The following RHBDL3 variants were observed in gnomAD, a reference collection of about 807,000 sequenced individuals.
The protein encoded by RHBDL3 is rhomboid like 3, also known as rhomboid-related protein 3.
A neutral mutation model predicts 48.2 loss-of-function variants in RHBDL3; 28 were observed. The observed-to-expected ratio is 0.58, with a 90% confidence interval of 0.43 to 0.80. The LOEUF (loss-of-function observed/expected upper bound fraction) is 0.80. Ranked by LOEUF, RHBDL3 falls within the 30% of genes least tolerant of loss-of-function variation. The pLI, the probability that RHBDL3 is intolerant of heterozygous loss-of-function variation, is 0.00. For synonymous variants in RHBDL3, 208 were observed against 232.3 expected, an observed-to-expected ratio of 0.90 and a Z score of 0.95; for missense variants, 464 against 542.7, an observed-to-expected ratio of 0.85 and a Z score of 1.44.
chr17:32,267,859 C>G (rs754939410), intron 1 of RHBDL3, 43 bp from the exon 2 acceptor site: 1 of 1,612,916 alleles, frequency 6.2e-7, no homozygotes, highest in Non-Finnish European at 8.5e-7. Context: ...GTCTTTCTTT[C>G]TCTCCTCTTC....
In RHBDL3 at chr17:32,270,106, G is replaced by A. The variant is rs193149719; in HGVS notation, c.135+2181G>A. Among the ~76,000 whole-genome samples, 17 of 141,130 alleles carry A rather than the reference G, an allele frequency of 1.2e-4. 1 individual carries two copies. The highest frequency in any genetic ancestry group is 4.3e-4 in the African/African-American group (16 of 37,518). 92.6% of individuals were successfully genotyped at this position (141,130 alleles called of 152,430 possible). A position where few individuals can be genotyped will look rare whatever the true frequency, so the allele number is the denominator to read the frequency against. The stretch of plus-strand genomic sequence containing the variant: ...TTTGGGAGGCTGAGACAGGAGGATG[G>A]CCTCCCAAAAAGTGAGACCCTTTCT... On this transcript the variant is annotated intron_variant, in intron 2 of 8. Coordinates refer to ENST00000269051, the MANE Select transcript of RHBDL3 (RefSeq NM_138328.3).
chr17:32,310,756 C>A (rs2040827914), intron 7 of RHBDL3, among the ~76,000 whole-genome samples: 1 of 151,734 alleles, frequency 6.6e-6, no homozygotes, highest in African/African-American at 2.4e-5. Context: ...TGGTGGCGGG[C>A]ACCTGTGGTC....
intron 7 of RHBDL3, among the ~76,000 whole-genome samples, chr17:32,308,689 G>C (rs889360752): frequency 1.3e-5 from 2 of 152,204 alleles, no homozygotes; most frequent in African/African-American, 4.8e-5. Context: ...TAAAAAGGCT[G>C]GTTTCTCTTT....
chr17:32,321,012 C>G lies in RHBDL3; in HGVS notation c.998C>G (p.Pro333Arg). 1.2e-6 allele frequency: 2 copies of G among 1,614,134 alleles called. No homozygotes were observed. The highest frequency in any genetic ancestry group is 1.1e-5 in the South Asian group (1 of 91,082). The change falls in exon 9 of 9, where the codon CCC becomes CGC. Residue 333 changes from proline (P) to arginine (R), a missense_variant. Pro to Arg is a moderately radical substitution (Grantham distance 103). Coordinates refer to ENST00000269051, the MANE Select transcript of RHBDL3 (RefSeq NM_138328.3). ...VWLRFHPSAY[P>R]PCPHPSFVAH... The stretch of plus-strand genomic sequence containing the variant: ...CTCCGCTTCCACCCGTCGGCCTATC[C>G]CCCGTGCCCTCACCCAAGCTTTGTG...
chr17:32,284,610 A>G (rs751086152), intron 2 of RHBDL3, 49 bp from the exon 3 acceptor site: 2 of 1,590,480 alleles, frequency 1.3e-6, no homozygotes, highest in African/African-American at 1.3e-5. Flanking sequence ...ATCAGTGTGA[A>G]GAGGAGGTGG....
At position 32,322,531 on chromosome 17, in the gene RHBDL3, T is replaced by C. The variant is rs571958484; in HGVS notation, c.*1302T>C. 6.6e-6 allele frequency: 1 copy of C among 152,344 alleles called. No homozygotes were observed. Among genetic ancestry groups the C allele is most frequent in the African/African-American group, 2.4e-5 (1 of 41,556 alleles). The allele number at this position is 152,344 out of a possible 1,614,324, so 9.4% of individuals were successfully genotyped here. On this transcript the variant is annotated 3_prime_UTR_variant, in exon 9 of 9. Coordinates refer to ENST00000269051, the MANE Select transcript of RHBDL3 (RefSeq NM_138328.3). The stretch of plus-strand genomic sequence containing the variant: ...GGCGCAAGAGAGGCTGGGGTAGGAA[T>C]GTTGAGGCCATGTGTCCATTTAAGT...
chr17:32,295,781 G>A (rs926594773), intron 5 of RHBDL3, among the ~76,000 whole-genome samples: 2 of 152,236 alleles, frequency 1.3e-5, no homozygotes, highest in African/African-American at 4.8e-5. Flanking sequence ...GGGTGTTAAA[G>A]TGCTGTATAA....
At position 32,321,182 on chromosome 17, in the gene RHBDL3, A is replaced by T. The variant is rs772462704; in HGVS notation, c.1168A>T (p.Ile390Phe). Residue 390 changes from isoleucine (I) to phenylalanine (F), a missense_variant, in exon 9 of 9, where the codon ATC (isoleucine) becomes TTC (phenylalanine). By Grantham distance (21) the Ile-to-Phe change is conservative. Coordinates refer to ENST00000269051, the MANE Select transcript of RHBDL3 (RefSeq NM_138328.3). ...VFVLFAVFWN[I>F]FAYTLLDLKL... ...CGTGCTGTTCGCTGTCTTCTGGAACATCTTTGCCTACACCCTGCTGGACTT... is the reference window on the plus strand; with the variant it reads ...CGTGCTGTTCGCTGTCTTCTGGAACTTCTTTGCCTACACCCTGCTGGACTT... 40 of 1,614,044 alleles carry T rather than the reference A, an allele frequency of 2.5e-5. 1 individual carries two copies. The South Asian group carries it at 4.3e-4, about 17-fold the overall frequency.
At position 32,276,740 on chromosome 17, in the gene RHBDL3, T is replaced by TTACTCCGGCCCTAGCACCG. The variant is rs1567763522; in HGVS notation, c.136-7913_136-7912insGGCCCTAGCACCGTACTCC. Among the ~76,000 whole-genome samples, 65 of 77,940 alleles carry TTACTCCGGCCCTAGCACCG rather than the reference T, an allele frequency of 8.3e-4. 1 individual carries two copies. Among genetic ancestry groups the TTACTCCGGCCCTAGCACCG allele is most frequent in the Non-Finnish European group, 1.1e-3 (44 of 38,732 alleles). 51.1% of individuals were successfully genotyped at this position (77,940 alleles called of 152,430 possible). ...AGCACCTTACTCCGGCCCTAGCACCTTACTCCAGCCCTAGCACAGTACTCC... is the reference window on the plus strand; with the variant it reads ...AGCACCTTACTCCGGCCCTAGCACCTTACTCCGGCCCTAGCACCGTACTCCAGCCCTAGCACAGTACTCC... On this transcript the variant is annotated intron_variant, in intron 2 of 8. Transcript: ENST00000269051.
chr17:32,299,731 CA>C (rs1212395567), intron 6 of RHBDL3, among the ~76,000 whole-genome samples: 5 of 152,134 alleles, frequency 3.3e-5, no homozygotes, highest in Admixed American at 6.5e-5. Flanking sequence ...CCAGTGACAC[CA>C]GTGCAGAGTG....
chr17:32,299,103 T>C (rs1393558219), intron 6 of RHBDL3, among the ~76,000 whole-genome samples: 1 of 151,428 alleles, frequency 6.6e-6, no homozygotes, highest in Non-Finnish European at 1.5e-5. Context: ...TTGACAGCTG[T>C]GCCCAAGGGA....
At chr17:32,271,679 G>T (rs571624860) in intron 2 of RHBDL3, among the ~76,000 whole-genome samples, 1 of 152,334 alleles carries the variant, frequency 6.6e-6, no homozygotes, top group African/African-American at 2.4e-5. Context: ...AGAGTTTGGA[G>T]CAGAGTTCCG....
At chr17:32,316,325 C>T in intron 8 of RHBDL3, 33 bp downstream of exon 8, 1 of 1,563,546 alleles carries the variant, frequency 6.4e-7, no homozygotes, top group Non-Finnish European at 8.8e-7. Flanking sequence ...GGAACCAAAG[C>T]CTGGCACCAG....
rs182041246 is a variant in RHBDL3, at chr17:32,323,253, C to G, written c.*2024C>G. On this transcript the variant is annotated 3_prime_UTR_variant, in exon 9 of 9. Coordinates refer to ENST00000269051, the MANE Select transcript of RHBDL3 (RefSeq NM_138328.3). ...CACGCCTTTGGCGGTGTTGCGTCAG[C>G]CTGGGGCGTCTTGTGTGTGCCCTGC... 6.6e-6 allele frequency: 1 copy of G among 152,534 alleles called. No individual in the cohort carries two copies. The highest frequency in any genetic ancestry group is 2.4e-5 in the African/African-American group (1 of 41,586). The allele number at this position is 152,534 out of a possible 1,614,324, so 9.4% of individuals were successfully genotyped here. A position where few individuals can be genotyped will look rare whatever the true frequency, so the allele number is the denominator to read the frequency against.
At chr17:32,292,994 A>G (rs767442656) in intron 4 of RHBDL3, among the ~76,000 whole-genome samples, 12 of 152,056 alleles carry the variant, frequency 7.9e-5, no homozygotes, top group Non-Finnish European at 1.8e-4. Context: ...TCTCAAAAAA[A>G]AGGGGGATCA....
chr17:32,322,883 C>G lies in RHBDL3; in HGVS notation c.*1654C>G, dbSNP rs1017830346. 1.3e-5 allele frequency: 2 copies of G among 152,374 alleles called. No individual in the cohort carries two copies. Among genetic ancestry groups the G allele is most frequent in the African/African-American group, 4.8e-5 (2 of 41,428 alleles). The allele number at this position is 152,374 out of a possible 1,614,324, so 9.4% of individuals were successfully genotyped here. A position where few individuals can be genotyped will look rare whatever the true frequency, so the allele number is the denominator to read the frequency against. On this transcript the variant is annotated 3_prime_UTR_variant, in exon 9 of 9. Transcript: ENST00000269051. The stretch of plus-strand genomic sequence containing the variant: ...ACTGACAGCCCAGAAGAACAAAGAA[C>G]GCCAGGCCTGGGAGGAGGCAGGGGG...
chr17:32,282,709 G>A (rs1431226693), intron 2 of RHBDL3, among the ~76,000 whole-genome samples: 5 of 152,088 alleles, frequency 3.3e-5, no homozygotes, highest in East Asian at 1.9e-4. Context: ...TGCAAGCTCC[G>A]CCTCCCAGGT....
rs187763264 is a variant in RHBDL3 at position 32,320,703 on chromosome 17, A to G, written c.944-255A>G. On this transcript the variant is annotated intron_variant, in intron 8 of 8. Transcript: ENST00000269051. ...CTCCTTAAAACAGGCATTGCTTTTAATCACCTGTTTCCCCCCATAGATGTC... is the reference window on the plus strand; with the variant it reads ...CTCCTTAAAACAGGCATTGCTTTTAGTCACCTGTTTCCCCCCATAGATGTC... Among the ~76,000 whole-genome samples the G allele has an allele frequency of 9.2e-5, 14 of 152,332 alleles. No homozygotes were observed. The East Asian group carries it at 2.3e-3, about 25-fold the overall frequency.
At chr17:32,280,097 C>T (rs1488788317) in intron 2 of RHBDL3, among the ~76,000 whole-genome samples, 1 of 152,186 alleles carries the variant, frequency 6.6e-6, no homozygotes. Flanking sequence ...TCCTCTGTGT[C>T]TTCCGCTCAG....
Sources: gnomAD v4.1 joint callset for allele counts (sites outside exome capture counted in the v4.1 genomes callset) on GRCh38, gnomAD v4.1.1 for gene constraint, MANE v1.5 for transcripts, NCBI Gene and HGNC (gene_info 2026-07-23, HGNC 2026-07-21) for gene names.